The following VNN1 variants were observed in gnomAD, a reference collection of about 807,000 sequenced individuals.
VNN1 encodes pantetheinase.
Under a neutral mutation model 41.9 loss-of-function variants are expected in VNN1, and 29 were observed. The ratio of observed to expected loss-of-function variants is 0.69; its 90% CI spans 0.52 to 0.94. VNN1 has a LOEUF of 0.94. Ranked by LOEUF, VNN1 falls within the 40% of genes least tolerant of loss-of-function variation. The pLI is 0.00. For missense variants in VNN1, 637 were observed against 621.1 expected (o/e 1.03, Z -0.27); for synonymous variants, 233 against 224.4 (o/e 1.04, Z -0.34).
At chr6:132,692,117 AGT>A in intron 5 of VNN1, 104 bp downstream of exon 5, 3 of 1,269,450 alleles carry the variant, frequency 2.4e-6, no homozygotes, top group Non-Finnish European at 3.1e-6. Context: ...AATCCCCAAA[AGT>A]GTGATATGCT....
chr6:132,690,163 G>A (rs1472530292), intron 5 of VNN1, among the ~76,000 whole-genome samples: 1 of 152,144 alleles, frequency 6.6e-6, no homozygotes, highest in Admixed American at 6.5e-5. Flanking sequence ...CATCTACAGA[G>A]TAGTAAAAAT....
intron 3 of VNN1, 55 bp downstream of exon 3, chr6:132,693,935 C>T: frequency 1.3e-6 from 2 of 1,591,024 alleles, no homozygotes; most frequent in Non-Finnish European, 1.7e-6. Context: ...TTTCTCCTTG[C>T]CCACTTTATT....
chr6:132,684,631 C>A, intron 5 of VNN1, 126 bp from the exon 6 acceptor site: 3 of 714,914 alleles, frequency 4.2e-6, no homozygotes, highest in East Asian at 3.3e-5. Flanking sequence ...TAAAGATATA[C>A]AATTTTCATT....
intron 2 of VNN1, chr6:132,699,128 G>T: frequency 3.1e-6 from 1 of 322,854 alleles, no homozygotes; most frequent in South Asian, 3.4e-5. Context: ...TGTCCCATTG[G>T]CAACTGATGT....
At chr6:132,691,050 T>A (rs1778277583) in intron 5 of VNN1, among the ~76,000 whole-genome samples, 1 of 152,184 alleles carries the variant, frequency 6.6e-6, no homozygotes, top group Admixed American at 6.5e-5. Context: ...GTTCTGCATA[T>A]GCTAGCAAAT....
chr6:132,691,804 C>T (rs1162165285), intron 5 of VNN1, among the ~76,000 whole-genome samples: 1 of 151,836 alleles, frequency 6.6e-6, no homozygotes, highest in Non-Finnish European at 1.5e-5. Context: ...TTGAGACCAC[C>T]CTGGCCAATA....
intron 2 of VNN1, among the ~76,000 whole-genome samples, chr6:132,704,474 A>G (rs1019821789): frequency 2.0e-5 from 3 of 152,160 alleles, no homozygotes; most frequent in Non-Finnish European, 4.4e-5. Context: ...CAGGTTAATG[A>G]AGAAATTAAG....
chr6:132,709,073 C>T (rs563960534), intron 2 of VNN1, among the ~76,000 whole-genome samples: 6 of 152,240 alleles, frequency 3.9e-5, no homozygotes, highest in Non-Finnish European at 7.4e-5. Flanking sequence ...TTTAAAATTT[C>T]AGCCCCACGC....
Position 132,702,153 on chromosome 6 carries a change from G to A in VNN1, c.342-7971C>T, listed in dbSNP as rs1386817383. Among the ~76,000 whole-genome samples the A allele has an allele frequency of 3.3e-5, 5 of 152,170 alleles. No individual in the cohort carries two copies. In the East Asian group the frequency reaches 9.6e-4, roughly 29 times the overall value. ...GGCTGCACGGCAGTACCAGTCCATG[G>A]CCTGTTAGAAACTGGCTGCACAGTA... On this transcript the variant is annotated intron_variant, in intron 2 of 6. Coordinates refer to ENST00000367928, the MANE Select transcript of VNN1 (RefSeq NM_004666.3).
chr6:132,711,332 C>T (rs1022223238), intron 2 of VNN1, among the ~76,000 whole-genome samples: 5 of 152,154 alleles, frequency 3.3e-5, no homozygotes, highest in African/African-American at 1.2e-4. Context: ...ACTACATTAA[C>T]CTCATCAGCT....
At chr6:132,684,132 A>G (rs1244802980) in intron 6 of VNN1, among the ~76,000 whole-genome samples, 1 of 152,132 alleles carries the variant, frequency 6.6e-6, no homozygotes, top group East Asian at 1.9e-4. Context: ...ATATTTTTTT[A>G]TTCTGAAGGA....
chr6:132,702,550 G>T (rs1053765266), intron 2 of VNN1, among the ~76,000 whole-genome samples: 1 of 152,152 alleles, frequency 6.6e-6, no homozygotes, highest in Non-Finnish European at 1.5e-5. Flanking sequence ...AGTCAAAGGA[G>T]TGGTTGCATC....
At chr6:132,707,858 T>A (rs1778541935) in intron 2 of VNN1, among the ~76,000 whole-genome samples, 1 of 152,188 alleles carries the variant, frequency 6.6e-6, no homozygotes, top group Admixed American at 6.5e-5. Flanking sequence ...TAAGGTCTAG[T>A]ATTCAATAGC....
Position 132,692,331 on chromosome 6 carries a change from A to T in VNN1, c.1080T>A (p.Asp360Glu). The T allele has an allele frequency of 6.2e-7, 1 of 1,614,200 alleles. No homozygotes were observed. The highest frequency in any genetic ancestry group is 8.5e-7 in the Non-Finnish European group (1 of 1,180,032). ...VAGNYTVCQKDLCCHLSYKMS... is the reference protein window; with the variant it reads ...VAGNYTVCQKELCCHLSYKMS... Reference sequence around the variant, plus strand: ...TTTTGTAGCTTAAATGACAGCAGAGATCTTTCTGACAAACTGTATAATTTC... The same window carrying T: ...TTTTGTAGCTTAAATGACAGCAGAGTTCTTTCTGACAAACTGTATAATTTC... The change falls in exon 5 of 7, where the codon GAT (aspartate) becomes GAA (glutamate). Residue 360 changes from aspartate to glutamate, a missense_variant. Coordinates refer to ENST00000367928, the MANE Select transcript of VNN1 (RefSeq NM_004666.3).
intron 2 of VNN1, among the ~76,000 whole-genome samples, chr6:132,705,371 C>A (rs554020496): frequency 6.6e-6 from 1 of 152,236 alleles, no homozygotes; most frequent in South Asian, 2.1e-4. Context: ...GTTCAACATG[C>A]ACAAATCAAT....
rs113864646 is a variant in VNN1, at chr6:132,694,212, C to A, written c.342-30G>T. ...TACATGTTTATTGGAGGAAAAAAAT[C>A]TTTGTAAATCAATCTTAACTCTCAA... On this transcript the variant is annotated intron_variant, in intron 2 of 6. Transcript: ENST00000367928. 11 of 1,534,814 alleles carry A rather than the reference C, an allele frequency of 7.2e-6. 1 individual carries two copies. The highest frequency in any genetic ancestry group is 4.1e-5 in the African/African-American group (3 of 72,336).
chr6:132,696,340 T>C (rs936882621), intron 2 of VNN1, among the ~76,000 whole-genome samples: 2 of 152,282 alleles, frequency 1.3e-5, no homozygotes, highest in East Asian at 3.9e-4. Flanking sequence ...AGGAACACCA[T>C]TGAGTGTCCA....
chr6:132,698,447 T>A (rs1316548700), intron 2 of VNN1, among the ~76,000 whole-genome samples: 2 of 152,172 alleles, frequency 1.3e-5, no homozygotes, highest in Non-Finnish European at 2.9e-5. Flanking sequence ...AAGCATACAA[T>A]GTGAGAGACA....
At chr6:132,700,311 A>T (rs1363047989) in intron 2 of VNN1, among the ~76,000 whole-genome samples, 1 of 50,482 alleles carries the variant, frequency 2.0e-5, no homozygotes, top group Non-Finnish European at 3.3e-5. Flanking sequence ...AATTTTATTT[A>T]AAAAAAAATT....
Sources: gnomAD v4.1 joint callset for allele counts (sites outside exome capture counted in the v4.1 genomes callset) on GRCh38, gnomAD v4.1.1 for gene constraint, MANE v1.5 for transcripts, NCBI Gene and HGNC (gene_info 2026-07-23, HGNC 2026-07-21) for gene names.